SLC25A26: variants seen among roughly 807,000 people sequenced by gnomAD.
SLC25A26 encodes mitochondrial S-adenosylmethionine carrier protein.
SLC25A26 carries 36 observed loss-of-function variants against 37.8 expected under a neutral mutation model. That is an observed-to-expected ratio of 0.95 (90% confidence interval 0.73 to 1.26). The LOEUF (loss-of-function observed/expected upper bound fraction) is 1.26, where lower values mean the gene tolerates loss of function less well. Among genes scored for constraint, SLC25A26 ranks in the 50% most tolerant of loss-of-function variants. SLC25A26 has a pLI of 0.00. For missense variants in SLC25A26, 390 were observed against 331.1 expected, an observed-to-expected ratio of 1.18 and a Z score of -1.38; for synonymous variants, 129 against 122.5, an observed-to-expected ratio of 1.05 and a Z score of -0.35.
chr3:66,255,821 G>A (rs115733038), intron 3 of SLC25A26, among the ~76,000 whole-genome samples: 24 of 152,304 alleles, frequency 1.6e-4, no homozygotes, highest in African/African-American at 5.8e-4. Flanking sequence ...GGAGGTACTG[G>A]AGGAAGCAGA....
At chr3:66,369,047 AAACAAAAAAAAAAAAC>A (rs1559746418) in intron 7 of SLC25A26, among the ~76,000 whole-genome samples, 4,029 of 28,834 alleles carry the variant, frequency 0.14, 226 homozygotes, top group Admixed American at 0.18. Flanking sequence ...AAAAAAACAA[AAACAAAAAAAAAAAAC>A]AAAAGACAGT....
chr3:66,236,724 T>C (rs1345754742), intron 2 of SLC25A26, 24 bp downstream of exon 2: 53 of 1,481,458 alleles, frequency 3.6e-5, no homozygotes, highest in East Asian at 1.0e-4. Flanking sequence ...TTCTCACTTC[T>C]GTAAAGCCAA....
At chr3:66,288,966 C>G (rs187176278) in intron 5 of SLC25A26, among the ~76,000 whole-genome samples, 1 of 152,196 alleles carries the variant, frequency 6.6e-6, no homozygotes, top group Non-Finnish European at 1.5e-5. Flanking sequence ...ATTCCTATTT[C>G]TCCACATCCT....
chr3:66,193,674 C>A (rs1467417831), intron 1 of SLC25A26, among the ~76,000 whole-genome samples: 2 of 151,742 alleles, frequency 1.3e-5, no homozygotes, highest in Non-Finnish European at 2.9e-5. Flanking sequence ...AAAACTTACA[C>A]CAATTAAATG....
At position 66,286,805 on chromosome 3, in the gene SLC25A26, G is replaced by A. The variant is rs887788619; in HGVS notation, c.453+23426G>A. Among the ~76,000 whole-genome samples, 20 of 152,198 alleles carry A rather than the reference G, an allele frequency of 1.3e-4. No individual in the cohort carries two copies. In the East Asian group the frequency reaches 2.7e-3, roughly 21 times the overall value. The stretch of plus-strand genomic sequence containing the variant: ...TGCCACCTGAGTAGCTGGGATTACA[G>A]GTGTGCACCACCATGCCCTGCTAAT... On this transcript the variant is annotated intron_variant, in intron 5 of 9. Transcript: ENST00000354883.
intron 1 of SLC25A26, among the ~76,000 whole-genome samples, chr3:66,180,048 T>C (rs2070669481): frequency 6.6e-6 from 1 of 152,210 alleles, no homozygotes; most frequent in South Asian, 2.1e-4. Flanking sequence ...TACTGGCTTC[T>C]GGCATCCAGG....
At chr3:66,290,931 A>T (rs1202894094) in intron 5 of SLC25A26, among the ~76,000 whole-genome samples, 2 of 152,134 alleles carry the variant, frequency 1.3e-5, no homozygotes, top group East Asian at 1.9e-4. Context: ...TCGGCTGTGA[A>T]TCCGTCTGGT....
rs149291943 is a variant in SLC25A26 at position 66,335,315 on chromosome 3, T to C, written c.454-11049T>C. 2.0e-3 allele frequency among the ~76,000 whole-genome samples: 309 copies of C among 152,334 alleles called. 2 individuals are homozygous for C. The highest frequency in any genetic ancestry group is 7.3e-3 in the African/African-American group (304 of 41,586). On this transcript the variant is annotated intron_variant, in intron 5 of 9. Transcript: ENST00000354883. ...TGGGAAAGCATTTATGGAGTGACTT[T>C]ACAGAGTTGGGAATTCCTGGGATGT...
intron 6 of SLC25A26, among the ~76,000 whole-genome samples, chr3:66,350,925 A>T (rs1236177673): frequency 3.3e-5 from 5 of 152,106 alleles, no homozygotes; most frequent in Non-Finnish European, 5.9e-5. Flanking sequence ...GAAGGCCTTG[A>T]AGAATTGCCC....
intron 1 of SLC25A26, among the ~76,000 whole-genome samples, chr3:66,165,096 G>T (rs2070407984): frequency 1.3e-5 from 2 of 152,178 alleles, no homozygotes; most frequent in South Asian, 4.1e-4. Flanking sequence ...CTTGAGGATT[G>T]CCCATTCTAG....
chr3:66,320,892 T>C (rs2075675360), intron 5 of SLC25A26, among the ~76,000 whole-genome samples: 1 of 152,164 alleles, frequency 6.6e-6, no homozygotes, highest in African/African-American at 2.4e-5. Flanking sequence ...TTTAAAAAAT[T>C]GTCATATTTT....
chr3:66,276,514 G>C (rs803366), intron 5 of SLC25A26, among the ~76,000 whole-genome samples: 1 of 151,922 alleles, frequency 6.6e-6, no homozygotes, highest in Non-Finnish European at 1.5e-5. Context: ...GGAACTGTTT[G>C]TATGGGCAGA....
intron 9 of SLC25A26, chr3:66,371,227 C>A (rs1180598283): frequency 2.0e-6 from 3 of 1,525,160 alleles, no homozygotes; most frequent in African/African-American, 1.4e-5. Flanking sequence ...GATTTTCTTG[C>A]AAGAGCAAAG....
At chr3:66,153,582 T>C (rs2070236694) in intron 1 of SLC25A26, among the ~76,000 whole-genome samples, 1 of 152,234 alleles carries the variant, frequency 6.6e-6, no homozygotes, top group African/African-American at 2.4e-5. Context: ...AACCGCAGAA[T>C]GCGCAGAATT....
chr3:66,168,745 T>A (rs1030647323), intron 1 of SLC25A26, among the ~76,000 whole-genome samples: 1 of 152,300 alleles, frequency 6.6e-6, no homozygotes, highest in Admixed American at 6.5e-5. Flanking sequence ...AGTTTGGGGC[T>A]GTCCCCCAAG....
chr3:66,194,798 T>C (rs951386511), intron 1 of SLC25A26, among the ~76,000 whole-genome samples: 23 of 152,156 alleles, frequency 1.5e-4, no homozygotes, highest in Non-Finnish European at 2.8e-4. Context: ...ACGGGGTTTC[T>C]TCGTGTTGGC....
At position 66,165,478 on chromosome 3, in the gene SLC25A26, T is replaced by C. The variant is rs144587750; in HGVS notation, c.-354+31494T>C. Among the ~76,000 whole-genome samples the C allele has an allele frequency of 5.2e-4, 79 of 152,268 alleles. No homozygotes were observed. In the East Asian group the frequency reaches 0.014, roughly 27 times the overall value. ...CTAAGAGAGTGGGAATGCCTTAGTT[T>C]CCAGGCTCTTAGAATGGCATCTTTA... On this transcript the variant is annotated intron_variant, in intron 1 of 10. Coordinates refer to the SLC25A26 transcript ENST00000676754.
At position 66,249,128 on chromosome 3, in the gene SLC25A26, C is replaced by T. The variant is rs550926335; in HGVS notation, c.300+5816C>T. ...TCTCCTCAAAATGACATATTTTAGA[C>T]CTAAAAAGGCTAGTTTAATAAACTG... is the stretch of plus-strand genomic sequence containing the variant. On this transcript the variant is annotated intron_variant, in intron 3 of 9. Coordinates refer to ENST00000354883, the MANE Select transcript of SLC25A26 (RefSeq NM_001379210.1). Among the ~76,000 whole-genome samples, 7 of 152,262 alleles carry T rather than the reference C, an allele frequency of 4.6e-5. No homozygotes were observed. In the South Asian group the frequency reaches 1.0e-3, roughly 23 times the overall value.
intron 5 of SLC25A26, among the ~76,000 whole-genome samples, chr3:66,338,327 C>G (rs563017236): frequency 6.6e-6 from 1 of 151,954 alleles, no homozygotes; most frequent in East Asian, 1.9e-4. Context: ...ATTGTCATTG[C>G]TCTTGGATAA....
Sources: allele counts gnomAD v4.1 joint callset (sites outside exome capture counted in the v4.1 genomes callset), GRCh38; gene constraint gnomAD v4.1.1; transcripts MANE v1.5; gene names NCBI Gene and HGNC (gene_info 2026-07-23, HGNC 2026-07-21).